GAB2: variants seen among roughly 807,000 people sequenced by gnomAD.
The protein encoded by GAB2 is GRB2-associated-binding protein 2.
A neutral mutation model predicts 65.5 loss-of-function variants in GAB2; 26 were observed. That is an observed-to-expected ratio of 0.40 (90% confidence interval 0.29 to 0.55). The LOEUF is 0.55. Among genes scored for constraint, GAB2 ranks in the 20% least tolerant of loss-of-function variants. The pLI is 0.53. For synonymous variants in GAB2, 321 were observed against 329.6 expected (o/e 0.97, Z 0.28); for missense variants, 884 against 875.8 (o/e 1.01, Z -0.12).
intron 1 of GAB2, among the ~76,000 whole-genome samples, chr11:78,355,125 G>A (rs910295588): frequency 6.6e-6 from 1 of 152,234 alleles, no homozygotes; most frequent in African/African-American, 2.4e-5. Context: ...GTGTAATAGA[G>A]ATCCTCCACG....
intron 1 of GAB2, among the ~76,000 whole-genome samples, chr11:78,395,814 C>T (rs1856888707): frequency 6.6e-6 from 1 of 152,194 alleles, no homozygotes; most frequent in Non-Finnish European, 1.5e-5. Context: ...TGCCCACACC[C>T]ACAAAGCATA....
intron 2 of GAB2, among the ~76,000 whole-genome samples, chr11:78,277,766 C>T (rs1866215218): frequency 6.6e-6 from 1 of 152,206 alleles, no homozygotes; most frequent in African/African-American, 2.4e-5. Flanking sequence ...GGAAGCATGC[C>T]AATATATAAA....
intron 2 of GAB2, among the ~76,000 whole-genome samples, chr11:78,263,631 T>TG (rs1355857049): frequency 1.2e-3 from 137 of 118,090 alleles, no homozygotes; most frequent in African/African-American, 4.6e-3. Flanking sequence ...AGACTCTGTC[T>TG]GGGGGAAAAA....
chr11:78,354,845 C>CTCT (rs1856333693), intron 1 of GAB2, among the ~76,000 whole-genome samples: 1 of 152,162 alleles, frequency 6.6e-6, no homozygotes, highest in Admixed American at 6.5e-5. Context: ...TTAATGCTGC[C>CTCT]TCTTCACCAC....
At chr11:78,222,883 G>A (rs1388527119) in intron 6 of GAB2, among the ~76,000 whole-genome samples, 3 of 152,166 alleles carry the variant, frequency 2.0e-5, no homozygotes, top group African/African-American at 4.8e-5. Context: ...GAGCCATGGC[G>A]CCCAGCCAAG....
rs554902543 is a variant in GAB2, at chr11:78,318,428, G to A, written c.76-37527C>T. On this transcript the variant is annotated intron_variant, in intron 1 of 9. Coordinates refer to ENST00000361507, the MANE Select transcript of GAB2 (RefSeq NM_080491.3). ...TGACTTTCATCCTGAAGGCAGTGGC[G>A]GACCACTGACAGTTTTAACTGGAGA... 4.8e-4 allele frequency among the ~76,000 whole-genome samples: 68 copies of A among 141,620 alleles called. 2 individuals carry two copies. Among genetic ancestry groups the A allele is most frequent in the Non-Finnish European group, 1.8e-4 (12 of 66,442 alleles). The allele number at this position is 141,620 out of a possible 152,430, so 92.9% of individuals were successfully genotyped here.
At chr11:78,320,791 A>G (rs192846707) in intron 1 of GAB2, among the ~76,000 whole-genome samples, 2 of 149,184 alleles carry the variant, frequency 1.3e-5, no homozygotes, top group Non-Finnish European at 3.0e-5. Context: ...GATCTATCTC[A>G]AACTCCTGGG....
intron 3 of GAB2, among the ~76,000 whole-genome samples, chr11:78,229,029 G>A (rs2450128): frequency 0.25 from 37,813 of 152,028 alleles, 5,442 homozygotes; most frequent in East Asian, 0.4. Flanking sequence ...CACCTGCCCA[G>A]TGAGGGGTGG....
In GAB2 at chr11:78,226,921, G is replaced by A. The variant is rs1457298312; in HGVS notation, c.751C>T (p.Leu251Phe). 1.9e-6 allele frequency: 3 copies of A among 1,613,978 alleles called. No individual in the cohort carries two copies. In the South Asian group the frequency reaches 3.3e-5, roughly 18 times the overall value. Reference protein sequence around the residue: ...ISGQVHGFYSLPKPSRHNTEF... With the variant: ...ISGQVHGFYSFPKPSRHNTEF... ...GTATTGTGCCGGCTCGGCTTGGGAAGGCTATAGAAGCCATGGACTTGACCA... is the reference window on the plus strand; with the variant it reads ...GTATTGTGCCGGCTCGGCTTGGGAAAGCTATAGAAGCCATGGACTTGACCA... Residue 251 changes from leucine (L) to phenylalanine (F), a missense_variant, in exon 4 of 10, where the codon CTT (leucine) becomes TTT (phenylalanine). Physicochemically the swap from Leu to Phe is conservative, Grantham distance 22. Transcript: ENST00000361507.
intron 2 of GAB2, among the ~76,000 whole-genome samples, chr11:78,278,725 G>GT (rs60501874): frequency 0.013 from 1,783 of 140,060 alleles, 16 homozygotes; most frequent in Middle Eastern, 0.031. Context: ...CAACATTTTT[G>GT]TTTTTTTTTT....
intron 1 of GAB2, among the ~76,000 whole-genome samples, chr11:78,334,103 T>A (rs936920152): frequency 1.3e-5 from 2 of 152,204 alleles, no homozygotes; most frequent in Non-Finnish European, 2.9e-5. Context: ...TTTTGATGGT[T>A]ATAATTTTGT....
chr11:78,367,352 T>A (rs1856510609), intron 1 of GAB2, among the ~76,000 whole-genome samples: 1 of 152,206 alleles, frequency 6.6e-6, no homozygotes, highest in South Asian at 2.1e-4. Context: ...TATGAGTGAC[T>A]GGTGTGTGCA....
chr11:78,413,699 T>G (rs539695726), intron 1 of GAB2, among the ~76,000 whole-genome samples: 55 of 151,932 alleles, frequency 3.6e-4, no homozygotes, highest in Non-Finnish European at 6.3e-4. Flanking sequence ...ATTATTTGAG[T>G]AGGGAGGAGA....
At chr11:78,230,743 A>G (rs1864819028) in intron 3 of GAB2, among the ~76,000 whole-genome samples, 1 of 152,254 alleles carries the variant, frequency 6.6e-6, no homozygotes, top group African/African-American at 2.4e-5. Flanking sequence ...AAAGTTACAT[A>G]CTCAGAGGGC....
chr11:78,219,439 G>T lies in GAB2; in HGVS notation c.1888-24C>A, dbSNP rs760451268. ...GGCTGAGGGGACAGAGTGGGAAAGA[G>T]GGAGTAGCTGTGAGTTACCAGTTAG... On this transcript the variant is annotated intron_variant, in intron 9 of 9. Coordinates refer to ENST00000361507, the MANE Select transcript of GAB2 (RefSeq NM_080491.3). 18 of 1,612,088 alleles carry T rather than the reference G, an allele frequency of 1.1e-5. No homozygotes were observed. In the South Asian group the frequency reaches 2.0e-4, roughly 18 times the overall value.
chr11:78,365,348 CT>C (rs1363016117), intron 1 of GAB2, among the ~76,000 whole-genome samples: 1 of 152,026 alleles, frequency 6.6e-6, no homozygotes, highest in Non-Finnish European at 1.5e-5. Context: ...CTGCAGTGAC[CT>C]TTTCTTTATC....
chr11:78,357,872 T>A (rs965149853), intron 1 of GAB2, among the ~76,000 whole-genome samples: 2 of 152,244 alleles, frequency 1.3e-5, no homozygotes, highest in Non-Finnish European at 2.9e-5. Flanking sequence ...TCAACCATTG[T>A]GGAAGACACT....
At chr11:78,251,812 G>T (rs1865463589) in intron 2 of GAB2, among the ~76,000 whole-genome samples, 1 of 152,162 alleles carries the variant, frequency 6.6e-6, no homozygotes, top group African/African-American at 2.4e-5. Flanking sequence ...ATGCTTCCTT[G>T]TCTAACCCAT....
At chr11:78,404,463 C>T (rs1349422911) in intron 1 of GAB2, among the ~76,000 whole-genome samples, 1 of 152,196 alleles carries the variant, frequency 6.6e-6, no homozygotes. Flanking sequence ...GGCAGGATCG[C>T]TTGAGCCTAG....
Sources: allele counts gnomAD v4.1 joint callset (sites outside exome capture counted in the v4.1 genomes callset), GRCh38; gene constraint gnomAD v4.1.1; transcripts MANE v1.5; gene names NCBI Gene and HGNC (gene_info 2026-07-23, HGNC 2026-07-21).